The following PAPSS1 variants were observed in gnomAD, a reference collection of about 807,000 sequenced individuals.
The protein encoded by PAPSS1 is bifunctional 3'-phosphoadenosine 5'-phosphosulfate synthase 1.
A neutral mutation model predicts 72.0 loss-of-function variants in PAPSS1; 50 were observed. The ratio of observed to expected loss-of-function variants is 0.69; its 90% CI spans 0.55 to 0.88. The LOEUF (loss-of-function observed/expected upper bound fraction) is 0.88, where lower values mean the gene tolerates loss of function less well. Ranked by LOEUF, PAPSS1 falls within the 40% of genes least tolerant of loss-of-function variation. PAPSS1 has a pLI of 0.00. For synonymous variants in PAPSS1, 261 were observed against 263.6 expected, an observed-to-expected ratio of 0.99 and a Z score of 0.09; for missense variants, 657 against 782.2, an observed-to-expected ratio of 0.84 and a Z score of 1.91.
At chr4:107,645,160 T>A in intron 9 of PAPSS1, 90 bp from the exon 10 acceptor site, 1 of 1,004,274 alleles carries the variant, frequency 1.0e-6, no homozygotes, top group Non-Finnish European at 1.4e-6. Context: ...ACTTGATACT[T>A]AGGATTAAGC....
Position 107,701,297 on chromosome 4 carries a change from AG to A in PAPSS1, c.61-13del. 5 of 1,579,116 alleles carry A rather than the reference AG, an allele frequency of 3.2e-6. No individual in the cohort carries two copies. Among genetic ancestry groups the A allele is most frequent in the Admixed American group, 3.5e-5 (2 of 57,610 alleles). ...GCTCTCTGCATTCCCTAGAAAAAAA[AG>A]AAAAAAAAAATTCTAGTTTACATGA... On this transcript the variant is annotated splice_polypyrimidine_tract_variant and intron_variant, in intron 1 of 11. Coordinates refer to ENST00000265174, the MANE Select transcript of PAPSS1 (RefSeq NM_005443.5).
chr4:107,614,808 C>T (rs1024113512), intron 11 of PAPSS1, among the ~76,000 whole-genome samples: 11 of 152,280 alleles, frequency 7.2e-5, no homozygotes, highest in Non-Finnish European at 1.3e-4. Flanking sequence ...CTCTTATGCA[C>T]TTAATACTAT....
At chr4:107,629,417 A>G (rs1726177349) in intron 11 of PAPSS1, among the ~76,000 whole-genome samples, 1 of 152,224 alleles carries the variant, frequency 6.6e-6, no homozygotes, top group African/African-American at 2.4e-5. Context: ...TTTTGATAGT[A>G]GAGACAAAAG....
chr4:107,622,329 C>T (rs927205595), intron 11 of PAPSS1, among the ~76,000 whole-genome samples: 2 of 152,202 alleles, frequency 1.3e-5, no homozygotes, highest in African/African-American at 4.8e-5. Context: ...CCCCTCCCTT[C>T]TTTCTCCCAG....
At chr4:107,702,577 T>C (rs1014064815) in intron 1 of PAPSS1, among the ~76,000 whole-genome samples, 8 of 152,208 alleles carry the variant, frequency 5.3e-5, no homozygotes, top group Admixed American at 5.2e-4. Context: ...GTGCAACTTT[T>C]TTAGATTCCA....
At chr4:107,645,951 G>C (rs1454943109) in intron 9 of PAPSS1, among the ~76,000 whole-genome samples, 1 of 152,148 alleles carries the variant, frequency 6.6e-6, no homozygotes, top group East Asian at 1.9e-4. Flanking sequence ...ACCACAGGAA[G>C]ACTGTGGCAT....
chr4:107,668,684 T>C, intron 5 of PAPSS1, among the ~76,000 whole-genome samples: 1 of 152,104 alleles, frequency 6.6e-6, no homozygotes, highest in East Asian at 1.9e-4. Flanking sequence ...GTTCTTCAGT[T>C]TTGGAACTCA....
intron 10 of PAPSS1, among the ~76,000 whole-genome samples, chr4:107,633,787 C>T (rs866880879): frequency 4.6e-5 from 7 of 151,770 alleles, no homozygotes; most frequent in East Asian, 2.0e-4. Flanking sequence ...GGTGTGGTGG[C>T]GGGTGTCTGT....
intron 5 of PAPSS1, among the ~76,000 whole-genome samples, chr4:107,678,262 T>C (rs932015332): frequency 7.3e-6 from 1 of 137,670 alleles, no homozygotes; most frequent in African/African-American, 2.5e-5. Context: ...ATGGAATTAA[T>C]ATCTATGTCT....
At chr4:107,645,352 G>A (rs1221185537) in intron 9 of PAPSS1, among the ~76,000 whole-genome samples, 1 of 152,024 alleles carries the variant, frequency 6.6e-6, no homozygotes, top group Non-Finnish European at 1.5e-5. Flanking sequence ...TGCATTCATG[G>A]GAAATGAGAG....
intron 10 of PAPSS1, among the ~76,000 whole-genome samples, chr4:107,643,956 T>C (rs1282484038): frequency 2.0e-5 from 3 of 152,064 alleles, no homozygotes; most frequent in Non-Finnish European, 2.9e-5. Context: ...GAACACTTAG[T>C]CCTACCTACA....
intron 11 of PAPSS1, among the ~76,000 whole-genome samples, chr4:107,630,636 T>C (rs1040879596): frequency 1.3e-5 from 2 of 152,014 alleles, no homozygotes; most frequent in African/African-American, 4.8e-5. Context: ...ATACTACCAA[T>C]AATTTGTACT....
At chr4:107,662,719 G>A (rs377727729) in intron 5 of PAPSS1, among the ~76,000 whole-genome samples, 3 of 152,122 alleles carry the variant, frequency 2.0e-5, no homozygotes, top group Middle Eastern at 3.4e-3. Context: ...GAATCTGGGA[G>A]ATTCTCTTTA....
At chr4:107,635,546 G>A (rs1655643603) in intron 10 of PAPSS1, among the ~76,000 whole-genome samples, 1 of 152,190 alleles carries the variant, frequency 6.6e-6, no homozygotes, top group Non-Finnish European at 1.5e-5. Flanking sequence ...AATAGGTGGA[G>A]CAAATAAGGA....
intron 5 of PAPSS1, among the ~76,000 whole-genome samples, chr4:107,669,067 T>C (rs916318327): frequency 7.3e-4 from 111 of 152,330 alleles, no homozygotes; most frequent in African/African-American, 2.5e-3. Context: ...GATTGTACTA[T>C]GTGTCCTCCC....
At chr4:107,693,054 G>C (rs1286949252) in intron 3 of PAPSS1, among the ~76,000 whole-genome samples, 4 of 152,120 alleles carry the variant, frequency 2.6e-5, no homozygotes, top group Non-Finnish European at 5.9e-5. Context: ...TTAATACCTA[G>C]GTGATGGGAT....
intron 4 of PAPSS1, among the ~76,000 whole-genome samples, chr4:107,684,529 C>A (rs979329294): frequency 2.0e-5 from 3 of 152,092 alleles, no homozygotes; most frequent in East Asian, 1.9e-4. Flanking sequence ...AGATTAAGAT[C>A]TGAATGGGGA....
At chr4:107,652,657 A>G (rs1167914359) in intron 9 of PAPSS1, among the ~76,000 whole-genome samples, 2 of 152,192 alleles carry the variant, frequency 1.3e-5, no homozygotes, top group African/African-American at 4.8e-5. Context: ...AAATGAAGTG[A>G]ACATGATAAA....
chr4:107,647,373 T>C (rs918549953), intron 9 of PAPSS1, among the ~76,000 whole-genome samples: 4 of 152,176 alleles, frequency 2.6e-5, no homozygotes, highest in African/African-American at 7.2e-5. Context: ...ACTGGATTCA[T>C]TGATTGAACC....
Sources: gnomAD v4.1 joint callset for allele counts (sites outside exome capture counted in the v4.1 genomes callset) on GRCh38, gnomAD v4.1.1 for gene constraint, MANE v1.5 for transcripts, NCBI Gene and HGNC (gene_info 2026-07-23, HGNC 2026-07-21) for gene names.